The following MNAT1 variants were observed in gnomAD, a reference collection of about 807,000 sequenced individuals.
MNAT1 encodes the protein CDK-activating kinase assembly factor MAT1.
A neutral mutation model predicts 42.0 loss-of-function variants in MNAT1; 43 were observed. The observed-to-expected ratio is 1.02, with a 90% confidence interval of 0.80 to 1.32. The LOEUF is 1.32. Ranked by LOEUF, MNAT1 falls within the 40% of genes most tolerant of loss-of-function variation. The probability of loss-of-function intolerance (pLI) is 0.00; values close to 1 mark genes in which losing one functional copy is unlikely to be tolerated. For missense variants in MNAT1, 306 were observed against 350.4 expected (o/e 0.87, Z 1.01); for synonymous variants, 118 against 120.0 (o/e 0.98, Z 0.11).
chr14:60,830,863 C>T (rs1404527099), intron 6 of MNAT1, among the ~76,000 whole-genome samples: 1 of 151,134 alleles, frequency 6.6e-6, no homozygotes, highest in Non-Finnish European at 1.5e-5. Flanking sequence ...ACTTCAGGGG[C>T]TGTGGTTAAG....
intron 7 of MNAT1, among the ~76,000 whole-genome samples, chr14:60,885,116 C>T (rs1400930939): frequency 6.6e-6 from 1 of 151,672 alleles, no homozygotes. Context: ...AATTCTTTAT[C>T]CTTGACCTTT....
intron 7 of MNAT1, among the ~76,000 whole-genome samples, chr14:60,938,055 G>A (rs528942012): frequency 6.8e-4 from 103 of 152,298 alleles, no homozygotes; most frequent in Non-Finnish European, 1.1e-3. Context: ...AAGAATGGTT[G>A]TGATTTTTGC....
At chr14:60,880,089 C>A in intron 7 of MNAT1, 1 of 242,496 alleles carries the variant, frequency 4.1e-6, no homozygotes, top group Non-Finnish European at 7.8e-6. Context: ...ATTGAAATGG[C>A]GTTTATTTTC....
intron 6 of MNAT1, among the ~76,000 whole-genome samples, chr14:60,821,484 G>A (rs1399922889): frequency 6.6e-6 from 1 of 152,018 alleles, no homozygotes; most frequent in Non-Finnish European, 1.5e-5. Flanking sequence ...TTACATATTA[G>A]GCTCACATTT....
chr14:60,756,330 TATGC>T (rs2030348411), intron 1 of MNAT1, among the ~76,000 whole-genome samples: 1 of 152,142 alleles, frequency 6.6e-6, no homozygotes, highest in South Asian at 2.1e-4. Context: ...CATTTTGGAG[TATGC>T]TACACTTGTC....
At chr14:60,932,048 A>C (rs748035569) in intron 7 of MNAT1, among the ~76,000 whole-genome samples, 1 of 152,118 alleles carries the variant, frequency 6.6e-6, no homozygotes, top group South Asian at 2.1e-4. Context: ...TAAAAACTTC[A>C]TATTATAAGG....
At chr14:60,939,537 T>C (rs1459917672) in intron 7 of MNAT1, among the ~76,000 whole-genome samples, 1 of 152,174 alleles carries the variant, frequency 6.6e-6, no homozygotes, top group Non-Finnish European at 1.5e-5. Flanking sequence ...TGTAGTTGAG[T>C]GGTTTTCAGT....
chr14:60,877,848 T>C (rs1301945063), intron 6 of MNAT1, among the ~76,000 whole-genome samples: 1 of 152,118 alleles, frequency 6.6e-6, no homozygotes, highest in Non-Finnish European at 1.5e-5. Context: ...AGTAGTTCTT[T>C]CTTCTCAGAA....
At chr14:60,751,869 G>A (rs969310702) in intron 1 of MNAT1, among the ~76,000 whole-genome samples, 5 of 151,786 alleles carry the variant, frequency 3.3e-5, no homozygotes, top group African/African-American at 1.2e-4. Context: ...AATCAATGAA[G>A]CCTCCATCAA....
At chr14:60,781,592 C>T (rs928624494) in intron 1 of MNAT1, among the ~76,000 whole-genome samples, 7 of 152,282 alleles carry the variant, frequency 4.6e-5, no homozygotes, top group African/African-American at 1.7e-4. Context: ...TGAGCCACCA[C>T]ACCTGGCCTT....
At chr14:60,762,139 T>A (rs2030625791) in intron 1 of MNAT1, among the ~76,000 whole-genome samples, 1 of 152,198 alleles carries the variant, frequency 6.6e-6, no homozygotes. Flanking sequence ...ACACAGCAAA[T>A]TGCTGCTTTG....
intron 7 of MNAT1, among the ~76,000 whole-genome samples, chr14:60,928,972 G>T: frequency 6.6e-6 from 1 of 150,390 alleles, no homozygotes; most frequent in East Asian, 2.0e-4. Context: ...CACGGTGAAA[G>T]CTCGTCTCTA....
At chr14:60,864,993 G>C (rs2034173107) in intron 6 of MNAT1, among the ~76,000 whole-genome samples, 1 of 151,982 alleles carries the variant, frequency 6.6e-6, no homozygotes. Flanking sequence ...GAGGACATTT[G>C]TTATGTAGGT....
chr14:60,917,280 A>T (rs935722794), intron 7 of MNAT1, among the ~76,000 whole-genome samples: 2 of 122,894 alleles, frequency 1.6e-5, no homozygotes, highest in African/African-American at 3.0e-5. Flanking sequence ...TGGAATTTTC[A>T]GTTTCTAACC....
chr14:60,826,435 G>T (rs1293528848), intron 6 of MNAT1, among the ~76,000 whole-genome samples: 1 of 150,006 alleles, frequency 6.7e-6, no homozygotes, highest in Non-Finnish European at 1.5e-5. Context: ...TTCTGCCTCA[G>T]CCTCCTGCTT....
chr14:60,946,755 A>G (rs1252001690), intron 7 of MNAT1, among the ~76,000 whole-genome samples: 1 of 152,194 alleles, frequency 6.6e-6, no homozygotes, highest in East Asian at 1.9e-4. Context: ...TGAGACCAGT[A>G]CTATGGGGGT....
chr14:60,964,777 G>A (rs2036652947), intron 7 of MNAT1, among the ~76,000 whole-genome samples: 1 of 152,168 alleles, frequency 6.6e-6, no homozygotes, highest in Admixed American at 6.5e-5. Flanking sequence ...GTTCAGTGAT[G>A]TACTTGTAAT....
At chr14:60,800,728 T>C (rs181800906) in intron 3 of MNAT1, among the ~76,000 whole-genome samples, 45 of 152,340 alleles carry the variant, frequency 3.0e-4, no homozygotes, top group African/African-American at 1.1e-3. Context: ...TGTGTGTTTC[T>C]CTCCTTTAAC....
intron 6 of MNAT1, among the ~76,000 whole-genome samples, chr14:60,841,721 T>C (rs993241701): frequency 2.6e-5 from 4 of 152,232 alleles, no homozygotes; most frequent in African/African-American, 9.6e-5. Context: ...TATAAGACTT[T>C]GGGGATGCAG....
Sources: gnomAD v4.1 joint callset for allele counts (sites outside exome capture counted in the v4.1 genomes callset) on GRCh38, gnomAD v4.1.1 for gene constraint, MANE v1.5 for transcripts, NCBI Gene and HGNC (gene_info 2026-07-23, HGNC 2026-07-21) for gene names.